SYNE1: variants seen among roughly 807,000 people sequenced by gnomAD.
SYNE1 encodes the protein nesprin-1.
Under a neutral mutation model 1,111.0 loss-of-function variants are expected in SYNE1, and 616 were observed. The ratio of observed to expected loss-of-function variants is 0.55; its 90% confidence interval spans 0.52 to 0.59. SYNE1 has a LOEUF of 0.59. SYNE1 is among the 20% of genes least tolerant of loss of function. SYNE1 has a pLI of 0.00. For synonymous variants in SYNE1, 3,855 were observed against 3,825.8 expected, an observed-to-expected ratio of 1.01 and a Z score of -0.28; for missense variants, 10,006 against 10,417.0, an observed-to-expected ratio of 0.96 and a Z score of 1.72.
chr6:152,230,006 T>C (rs1588290851), intron 115 of SYNE1, among the ~76,000 whole-genome samples: 1 of 150,192 alleles, frequency 6.7e-6, no homozygotes, highest in Non-Finnish European at 1.5e-5. Context: ...TACTATGATA[T>C]CTATTTTAGA....
At position 152,331,006 on chromosome 6, in the gene SYNE1, T is replaced by C. The variant is rs1443436895; in HGVS notation, c.13679A>G (p.Asn4560Ser). The change falls in exon 78 of 146, where the codon AAT (asparagine) becomes AGT (serine). Residue 4560 changes from asparagine (N) to serine (S), a missense_variant. Physicochemically the swap from Asn to Ser is conservative, Grantham distance 46. Coordinates refer to ENST00000367255, the MANE Select transcript of SYNE1 (RefSeq NM_182961.4). Reference sequence around the variant, plus strand: ...CTTAAAATGCTTCCTAGAAACCAAATTCTTCTCTAGTTCTTGTAACCGGTG... The same window carrying C: ...CTTAAAATGCTTCCTAGAAACCAAACTCTTCTCTAGTTCTTGTAACCGGTG... ...CSHRLQELEK[N>S]LVSRKHFKED... The C allele has an allele frequency of 6.2e-7, 1 of 1,614,060 alleles. No individual in the cohort carries two copies. The highest frequency in any genetic ancestry group is 2.2e-5 in the East Asian group (1 of 44,886).
chr6:152,330,961 C>A lies in SYNE1; in HGVS notation c.13724G>T (p.Cys4575Phe), dbSNP rs199701902. ...KHFKEDFDKA[C>F]HWLKQADIVT... ...AATATCTGCTTGTTTTAGCCAGTGG[C>A]AAGCTTTATCAAAATCTTCCTTAAA... Residue 4575 changes from cysteine to phenylalanine, a missense_variant, in exon 78 of 146, where the codon TGC becomes TTC. Physicochemically the swap from Cys to Phe is radical, Grantham distance 205. Around this residue, in one of 7 missense-constraint regions of SYNE1, gnomAD observed 4,955 missense variants for 5,017.2 expected, o/e 0.99. Transcript: ENST00000367255. The A allele has an allele frequency of 9.3e-5, 150 of 1,614,160 alleles. No homozygotes were observed. In the East Asian group the frequency reaches 3.1e-3, roughly 33 times the overall value.
chr6:152,432,044 C>G (rs1330780615), intron 34 of SYNE1, among the ~76,000 whole-genome samples: 1 of 152,070 alleles, frequency 6.6e-6, no homozygotes, highest in Non-Finnish European at 1.5e-5. Flanking sequence ...TTGCCATCAA[C>G]AAATTCATAT....
At chr6:152,319,141 C>G (rs990614746) in intron 84 of SYNE1, 126 bp from the exon 85 acceptor site, 2 of 1,324,652 alleles carry the variant, frequency 1.5e-6, no homozygotes, top group African/African-American at 2.9e-5. Flanking sequence ...CTGGTCACAC[C>G]AGCGATGTGC....
At chr6:152,353,169 G>A in intron 69 of SYNE1, 94 bp downstream of exon 69, 18 of 1,487,248 alleles carry the variant, frequency 1.2e-5, no homozygotes, top group Non-Finnish European at 1.4e-5. Context: ...ATAATGGTTG[G>A]GATGATCACC....
intron 12 of SYNE1, among the ~76,000 whole-genome samples, chr6:152,486,737 T>A (rs1029536279): frequency 1.3e-5 from 2 of 152,234 alleles, no homozygotes; most frequent in Non-Finnish European, 2.9e-5. Flanking sequence ...CACATATTTA[T>A]TGCTTTGCTA....
rs1462183249 is a variant in SYNE1 at position 152,433,610 on chromosome 6, C to A, written c.4461+185G>T. On this transcript the variant is annotated intron_variant, in intron 34 of 145. Coordinates refer to ENST00000367255, the MANE Select transcript of SYNE1 (RefSeq NM_182961.4). ...AGTCAGACAATGTGAATACATAATT[C>A]CAACTATAAATGTTGCCCAGTATTA... 4.3e-5 allele frequency: 27 copies of A among 623,586 alleles called. No homozygotes were observed. The East Asian group carries it at 6.9e-4, about 16-fold the overall frequency. 38.6% of individuals were successfully genotyped at this position (623,586 alleles called of 1,614,324 possible). A position where few individuals can be genotyped will look rare whatever the true frequency, so the allele number is the denominator to read the frequency against.
At chr6:152,499,341 A>G (rs1484966787) in intron 10 of SYNE1, among the ~76,000 whole-genome samples, 2 of 152,078 alleles carry the variant, frequency 1.3e-5, no homozygotes, top group Non-Finnish European at 2.9e-5. Flanking sequence ...TAAGGGGAAA[A>G]GTTCATCAGT....
intron 128 of SYNE1, among the ~76,000 whole-genome samples, chr6:152,184,631 TATAG>T (rs59272369): frequency 0.18 from 26,269 of 142,814 alleles, 2,370 homozygotes; most frequent in Admixed American, 0.23. Flanking sequence ...TATACACATA[TATAG>T]ATAGATAGAT....
intron 6 of SYNE1, among the ~76,000 whole-genome samples, chr6:152,515,931 A>G (rs2099109305): frequency 6.6e-6 from 1 of 152,230 alleles, no homozygotes; most frequent in Admixed American, 6.5e-5. Context: ...AAAATGAGGA[A>G]TACCTTCATT....
At chr6:152,324,073 A>T (rs2095970448) in intron 81 of SYNE1, among the ~76,000 whole-genome samples, 1 of 152,224 alleles carries the variant, frequency 6.6e-6, no homozygotes, top group Admixed American at 6.5e-5. Flanking sequence ...CATAAAGGAA[A>T]ATAATGGCTT....
At chr6:152,367,735 C>T (rs1160709475) in intron 61 of SYNE1, 5 of 297,010 alleles carry the variant, frequency 1.7e-5, no homozygotes, top group Non-Finnish European at 3.3e-5. Context: ...GACACAACAA[C>T]CCACATGACC....
At chr6:152,296,462 G>A (rs1252926569) in intron 93 of SYNE1, among the ~76,000 whole-genome samples, 3 of 152,190 alleles carry the variant, frequency 2.0e-5, no homozygotes, top group African/African-American at 7.2e-5. Flanking sequence ...TAAATGGAAT[G>A]TCTTCTCACC....
intron 51 of SYNE1, 32 bp downstream of exon 51, chr6:152,395,484 G>T (rs1467248223): frequency 3.7e-6 from 6 of 1,601,356 alleles, no homozygotes; most frequent in African/African-American, 1.3e-5. Flanking sequence ...CATGGTAAGA[G>T]GTAAAGGACC....
rs199658957 is a variant in SYNE1, at chr6:152,141,150, T to C, written c.25246+53A>G. On this transcript the variant is annotated intron_variant, in intron 139 of 145. Coordinates refer to ENST00000367255, the MANE Select transcript of SYNE1 (RefSeq NM_182961.4). ...AAGTGGAATTTCGCTGTTAACAAAGTGCTTCAGGATCTTCTATTTCATTCA... is the reference window on the plus strand; with the variant it reads ...AAGTGGAATTTCGCTGTTAACAAAGCGCTTCAGGATCTTCTATTTCATTCA... 8.4e-4 allele frequency: 1,352 copies of C among 1,613,124 alleles called. 2 individuals are homozygous for C. The highest frequency in any genetic ancestry group is 1.7e-3 in the Admixed American group (103 of 59,988).
chr6:152,502,878 A>G, intron 9 of SYNE1, 136 bp from the exon 10 acceptor site: 2 of 705,252 alleles, frequency 2.8e-6, no homozygotes, highest in Non-Finnish European at 4.8e-6. Flanking sequence ...AGAATTTTGG[A>G]CGGGGAGGAG....
Position 152,419,781 on chromosome 6 carries a change from A to ATTC in SYNE1, c.5268-60_5268-59insGAA, listed in dbSNP as rs1168416146. The stretch of plus-strand genomic sequence containing the variant: ...CATAAGTAAACAGAAAGGATTAATG[A>ATTC]TGTATTTTGGGAATTAAGCTTACCC... On this transcript the variant is annotated intron_variant, in intron 39 of 145. Coordinates refer to ENST00000367255, the MANE Select transcript of SYNE1 (RefSeq NM_182961.4). 1.7e-4 allele frequency: 267 copies of ATTC among 1,589,698 alleles called. 1 individual carries two copies. The African/African-American group carries it at 3.4e-3, about 20-fold the overall frequency.
chr6:152,141,255 C>T lies in SYNE1; in HGVS notation c.25194G>A (p.Glu8398=), dbSNP rs369691475. ...KRLEHKLKEE[E]ESLPGFVNLH... ...GGTTAACAAAGCCAGGAAGGCTCTC[C>T]TCTTCCTCCTTCAGTTTGTGCTCCA... Residue 8398 remains glutamate (E), a synonymous_variant, in exon 139 of 146, where the codon GAG becomes GAA. Transcript: ENST00000367255. 75 of 1,614,060 alleles carry T rather than the reference C, an allele frequency of 4.6e-5. No homozygotes were observed. The highest frequency in any genetic ancestry group is 6.0e-5 in the Non-Finnish European group (71 of 1,180,038).
rs1273945662 is a variant in SYNE1 at position 152,310,277 on chromosome 6, A to G, written c.17019+119T>C. On this transcript the variant is annotated intron_variant, in intron 89 of 145. Coordinates refer to ENST00000367255, the MANE Select transcript of SYNE1 (RefSeq NM_182961.4). ...GCCAACATAGGGATACCCTGTCTCT[A>G]TTTAAAAATAAATTAAAAAAAATAA... 13 of 1,434,912 alleles carry G rather than the reference A, an allele frequency of 9.1e-6. No individual in the cohort carries two copies. The Middle Eastern group carries it at 1.2e-3, about 133-fold the overall frequency. The allele number at this position is 1,434,912 out of a possible 1,614,324, so 88.9% of individuals were successfully genotyped here.
Sources: gnomAD v4.1 joint callset for allele counts (sites outside exome capture counted in the v4.1 genomes callset) on GRCh38, gnomAD v4.1.1 for gene constraint, gnomAD v4.1.1 regional missense constraint, MANE v1.5 for transcripts, NCBI Gene and HGNC (gene_info 2026-07-23, HGNC 2026-07-21) for gene names.